Variants in MAP4 observed in about 807,000 individuals in gnomAD.
MAP4 encodes the protein microtubule-associated protein 4.
A neutral mutation model predicts 170.2 loss-of-function variants in MAP4; 76 were observed. The observed-to-expected ratio is 0.45, with a 90% CI of 0.37 to 0.54. The LOEUF (loss-of-function observed/expected upper bound fraction) is 0.54. MAP4 is among the 20% of genes least tolerant of loss of function. MAP4 has a pLI of 0.00. For missense variants in MAP4, 2,506 were observed against 2,748.0 expected (o/e 0.91, Z 1.97); for synonymous variants, 909 against 994.5 (o/e 0.91, Z 1.62).
At chr3:47,906,423 C>CT (rs948498219) in intron 9 of MAP4, among the ~76,000 whole-genome samples, 31 of 152,140 alleles carry the variant, frequency 2.0e-4, no homozygotes, top group African/African-American at 5.8e-4. Context: ...GGCTCAACAC[C>CT]TGTAATTCCA....
intron 1 of MAP4, among the ~76,000 whole-genome samples, chr3:48,006,087 T>C (rs538135852): frequency 2.0e-4 from 31 of 152,312 alleles, no homozygotes; most frequent in South Asian, 1.7e-3. Flanking sequence ...ACTTAATTTA[T>C]ACAAACACAA....
chr3:48,029,209 G>A (rs763034426), intron 1 of MAP4, among the ~76,000 whole-genome samples: 23 of 151,984 alleles, frequency 1.5e-4, no homozygotes, highest in Non-Finnish European at 2.4e-4. Flanking sequence ...AGGCCAAAGC[G>A]GGCAGATCAC....
At chr3:47,871,205 A>C in intron 14 of MAP4, 22 bp downstream of exon 14, 1 of 1,614,124 alleles carries the variant, frequency 6.2e-7, no homozygotes, top group Non-Finnish European at 8.5e-7. Flanking sequence ...AGGGCTCTAC[A>C]AAATGGCGGA....
At chr3:47,857,214 G>A (rs895418597) in intron 18 of MAP4, among the ~76,000 whole-genome samples, 2 of 152,244 alleles carry the variant, frequency 1.3e-5, no homozygotes, top group Non-Finnish European at 1.5e-5. Flanking sequence ...GAATGCCTGT[G>A]CAGATGGCTG....
At chr3:47,970,646 C>T (rs2100078111) in intron 3 of MAP4, among the ~76,000 whole-genome samples, 1 of 151,346 alleles carries the variant, frequency 6.6e-6, no homozygotes, top group Non-Finnish European at 1.5e-5. Context: ...TCCATCTGTA[C>T]TAAAAATACA....
At chr3:48,030,006 TATATA>T (rs1225985864) in intron 1 of MAP4, among the ~76,000 whole-genome samples, 69 of 147,180 alleles carry the variant, frequency 4.7e-4, no homozygotes, top group East Asian at 9.8e-4. Flanking sequence ...AAAATATATA[TATATA>T]ATATATGTAT....
chr3:47,873,830 GA>G (rs2094335337), intron 12 of MAP4, among the ~76,000 whole-genome samples: 1 of 152,170 alleles, frequency 6.6e-6, no homozygotes, highest in Admixed American at 6.5e-5. Context: ...AAATAAGTTA[GA>G]AAAAAGTTAT....
chr3:47,928,528 C>T (rs946579546), intron 3 of MAP4, among the ~76,000 whole-genome samples, 178 bp from the exon 4 acceptor site: 3 of 152,024 alleles, frequency 2.0e-5, no homozygotes, highest in Admixed American at 2.0e-4. Context: ...TGCAATGGTG[C>T]GTCTGTAGCC....
At chr3:48,056,477 G>A (rs1328550798) in intron 1 of MAP4, among the ~76,000 whole-genome samples, 57 of 58,776 alleles carry the variant, frequency 9.7e-4, no homozygotes, top group African/African-American at 4.2e-3. Context: ...CGCCCCGTCC[G>A]GGAGGGAGGT....
At chr3:47,960,935 CT>C (rs1449773007) in intron 3 of MAP4, 4 of 161,688 alleles carry the variant, frequency 2.5e-5, no homozygotes, top group African/African-American at 7.2e-5. Flanking sequence ...ACTCTTTCAC[CT>C]TTCCTGAAAC....
chr3:48,064,175 G>A (rs2100137284), intron 1 of MAP4, among the ~76,000 whole-genome samples: 2 of 152,200 alleles, frequency 1.3e-5, no homozygotes, highest in African/African-American at 4.8e-5. Context: ...TGGTTTAGGA[G>A]TCATGCAGCT....
upstream of MAP4, among the ~76,000 whole-genome samples, chr3:48,018,490 T>C (rs938010987): frequency 3.3e-5 from 5 of 152,152 alleles, no homozygotes; most frequent in African/African-American, 4.8e-5. Flanking sequence ...GGCTGAAAGG[T>C]TATCACCAAT....
intron 17 of MAP4, 101 bp downstream of exon 17, chr3:47,867,145 A>T: frequency 1.3e-6 from 1 of 789,604 alleles, no homozygotes; most frequent in Non-Finnish European, 2.1e-6. Flanking sequence ...GCTACAGCTC[A>T]GGTCACTGGG....
At chr3:48,025,256 A>G (rs1445137428) in intron 1 of MAP4, among the ~76,000 whole-genome samples, 1 of 151,986 alleles carries the variant, frequency 6.6e-6, no homozygotes, top group Admixed American at 6.6e-5. Flanking sequence ...GCATTTTTAG[A>G]AAGCGCTAAT....
chr3:47,877,475 T>C lies in MAP4; in HGVS notation c.5483A>G (p.Asn1828Ser). 2.5e-6 allele frequency: 4 copies of C among 1,614,062 alleles called. No homozygotes were observed. Among genetic ancestry groups the C allele is most frequent in the Non-Finnish European group, 3.4e-6 (4 of 1,179,998 alleles). ...CTTGTTCGGTGGGGTGGTGATGTCA[T>C]TTCCTGTCCCACTCACCACAGGCCT... Reference protein sequence around the residue: ...EGRPVVSGTGNDITTPPNKEL... With the variant: ...EGRPVVSGTGSDITTPPNKEL... Residue 1828 changes from asparagine to serine, a missense_variant, in exon 11 of 21, where the codon AAT becomes AGT. This residue lies in a region of MAP4 where 2,008 missense variants were observed against 2,206.0 expected (regional missense o/e 0.91). Transcript: ENST00000683076.
chr3:47,907,024 G>A (rs529420314), intron 9 of MAP4, among the ~76,000 whole-genome samples: 44 of 152,142 alleles, frequency 2.9e-4, no homozygotes, highest in African/African-American at 1.1e-3. Flanking sequence ...TAGTAGAGAT[G>A]GGGTTTCTCC....
chr3:47,877,314 G>A (rs2095640114), intron 11 of MAP4, 103 bp downstream of exon 11: 1 of 858,060 alleles, frequency 1.2e-6, no homozygotes, highest in Non-Finnish European at 1.9e-6. Context: ...GACAATAACA[G>A]CTCAGAAAAA....
At chr3:47,986,450 C>T (rs978681232) in intron 2 of MAP4, among the ~76,000 whole-genome samples, 6 of 152,200 alleles carry the variant, frequency 3.9e-5, no homozygotes, top group South Asian at 2.1e-4. Context: ...AAGCAATTCT[C>T]GTTTCTCAGC....
chr3:48,033,691 C>T (rs921799058), intron 1 of MAP4, among the ~76,000 whole-genome samples: 1 of 152,148 alleles, frequency 6.6e-6, no homozygotes, highest in Non-Finnish European at 1.5e-5. Context: ...ACCTCCGCCT[C>T]CGAGGTTCAA....
Sources: allele counts gnomAD v4.1 joint callset (sites outside exome capture counted in the v4.1 genomes callset), GRCh38; gene constraint gnomAD v4.1.1; regional missense constraint gnomAD v4.1.1; transcripts MANE v1.5; gene names NCBI Gene and HGNC (gene_info 2026-07-23, HGNC 2026-07-21).